The following GAS2 variants were observed in gnomAD, a reference collection of about 807,000 sequenced individuals.
The protein encoded by GAS2 is growth arrest-specific protein 2.
In GAS2, 20 loss-of-function variants were observed where a neutral mutation model predicts 37.5. The observed-to-expected ratio is 0.53, with a 90% CI of 0.37 to 0.77. GAS2 has a LOEUF of 0.77. Ranked by LOEUF, GAS2 falls within the 30% of genes least tolerant of loss-of-function variation. The pLI, the probability that GAS2 is intolerant of heterozygous loss-of-function variation, is 0.00. For synonymous variants in GAS2, 144 were observed against 132.2 expected, an observed-to-expected ratio of 1.09 and a Z score of -0.61; for missense variants, 336 against 373.4, an observed-to-expected ratio of 0.90 and a Z score of 0.82.
In GAS2 at chr11:22,634,392, C is replaced by T. The variant is rs570644753; in HGVS notation, c.-21+8579C>T. Among the ~76,000 whole-genome samples the T allele has an allele frequency of 2.6e-5, 4 of 152,276 alleles. No individual in the cohort carries two copies. In the East Asian group the frequency reaches 7.7e-4, roughly 29 times the overall value. On this transcript the variant is annotated intron_variant, in intron 1 of 5. Coordinates refer to the GAS2 transcript ENST00000528582. ...CCAAACCATATCAGGAAGAAAAAGT[C>T]TTCTTCCCCAGGTTCCTTCATGAGC...
chr11:22,700,087 CCT>C (rs1850752941), intron 3 of GAS2, among the ~76,000 whole-genome samples: 1 of 152,034 alleles, frequency 6.6e-6, no homozygotes, highest in Non-Finnish European at 1.5e-5. Context: ...CATGTTAACC[CCT>C]CTTTCTTGTA....
At chr11:22,675,839 G>T (rs1849403509) in intron 2 of GAS2, among the ~76,000 whole-genome samples, 1 of 152,150 alleles carries the variant, frequency 6.6e-6, no homozygotes, top group African/African-American at 2.4e-5. Flanking sequence ...TAAATCATCT[G>T]TCAAGGTAAG....
intron 3 of GAS2, among the ~76,000 whole-genome samples, chr11:22,693,048 T>C (rs1317706137): frequency 2.0e-5 from 3 of 152,186 alleles, no homozygotes; most frequent in Admixed American, 1.3e-4. Flanking sequence ...GTGTGTATTT[T>C]ATGAAACCGT....
intron 5 of GAS2, among the ~76,000 whole-genome samples, chr11:22,747,565 G>A (rs886798748): frequency 1.3e-5 from 2 of 151,848 alleles, no homozygotes; most frequent in African/African-American, 4.8e-5. Flanking sequence ...TTTACTATCT[G>A]AATTCTGAAA....
intron 3 of GAS2, among the ~76,000 whole-genome samples, chr11:22,713,980 G>C (rs951750239): frequency 1.3e-5 from 2 of 151,760 alleles, no homozygotes; most frequent in African/African-American, 4.8e-5. Flanking sequence ...AAAAAAACAG[G>C]GTATTCAGGT....
chr11:22,678,821 C>A (rs76641049), intron 2 of GAS2, among the ~76,000 whole-genome samples: 5,051 of 151,920 alleles, frequency 0.033, 81 homozygotes, highest in Middle Eastern at 0.078. Flanking sequence ...AGTTCATAAA[C>A]CAGTGTTCAT....
At chr11:22,647,286 T>G (rs1590566572) in intron 1 of GAS2, among the ~76,000 whole-genome samples, 1 of 151,996 alleles carries the variant, frequency 6.6e-6, no homozygotes, top group East Asian at 1.9e-4. Flanking sequence ...TATTCCATGG[T>G]GTATATGTGC....
intron 3 of GAS2, among the ~76,000 whole-genome samples, chr11:22,723,690 G>A (rs1056223085): frequency 6.6e-6 from 1 of 151,806 alleles, no homozygotes; most frequent in African/African-American, 2.4e-5. Context: ...GATTTGAAGT[G>A]GTAGTTTTTT....
At chr11:22,654,863 A>G (rs1008998919) in intron 1 of GAS2, among the ~76,000 whole-genome samples, 6 of 152,240 alleles carry the variant, frequency 3.9e-5, no homozygotes, top group Non-Finnish European at 8.8e-5. Context: ...ATAAAGAGTT[A>G]TGGTTAACTT....
chr11:22,627,223 A>G (rs569811416), intron 1 of GAS2, among the ~76,000 whole-genome samples: 6 of 152,372 alleles, frequency 3.9e-5, no homozygotes, highest in Non-Finnish European at 8.8e-5. Context: ...CCAAGTGTGC[A>G]GCCTGCCTTT....
intron 1 of GAS2, among the ~76,000 whole-genome samples, chr11:22,645,386 T>C (rs1338298487): frequency 6.6e-6 from 1 of 151,948 alleles, no homozygotes. Flanking sequence ...CATGCGCCTG[T>C]AGCCCAGCTA....
At chr11:22,633,306 G>A (rs1372616743) in intron 1 of GAS2, among the ~76,000 whole-genome samples, 1 of 152,050 alleles carries the variant, frequency 6.6e-6, no homozygotes, top group Non-Finnish European at 1.5e-5. Context: ...TCAGCTCTTG[G>A]TGTTTTCAGT....
intron 7 of GAS2, among the ~76,000 whole-genome samples, chr11:22,788,742 C>T (rs7105105): frequency 1.3e-5 from 2 of 151,862 alleles, no homozygotes; most frequent in South Asian, 4.1e-4. Flanking sequence ...GTATAATAGT[C>T]AGTAGTATAA....
intron 1 of GAS2, among the ~76,000 whole-genome samples, chr11:22,637,609 A>C (rs1335810970): frequency 2.5e-5 from 1 of 40,306 alleles, no homozygotes; most frequent in Admixed American, 3.6e-4. Flanking sequence ...ACTTAATATA[A>C]TATTAATTAT....
At chr11:22,746,535 A>G (rs566789100) in intron 5 of GAS2, among the ~76,000 whole-genome samples, 1 of 152,332 alleles carries the variant, frequency 6.6e-6, no homozygotes, top group East Asian at 1.9e-4. Context: ...AAAGAATGAA[A>G]TCATGTCATT....
At chr11:22,659,884 G>A (rs1365607519) in intron 1 of GAS2, among the ~76,000 whole-genome samples, 2 of 91,066 alleles carry the variant, frequency 2.2e-5, no homozygotes, top group Non-Finnish European at 4.2e-5. Flanking sequence ...GAGGGAGGAA[G>A]GAAGGAAGGG....
chr11:22,642,471 T>G (rs1168866449), intron 1 of GAS2, among the ~76,000 whole-genome samples: 2 of 152,142 alleles, frequency 1.3e-5, no homozygotes, highest in Non-Finnish European at 2.9e-5. Context: ...AGCAGAACAT[T>G]GACTCAGTAG....
intron 1 of GAS2, among the ~76,000 whole-genome samples, chr11:22,649,661 G>A (rs182128151): frequency 0.021 from 3,231 of 151,674 alleles, 118 homozygotes; most frequent in African/African-American, 0.073. Flanking sequence ...CGTATGTGTC[G>A]AGGAATGTAT....
intron 6 of GAS2, among the ~76,000 whole-genome samples, chr11:22,752,874 A>G (rs1237208067): frequency 6.6e-6 from 1 of 152,044 alleles, no homozygotes; most frequent in African/African-American, 2.4e-5. Context: ...TTATGTGGAA[A>G]ATACATCACC....
Sources: allele counts gnomAD v4.1 joint callset (sites outside exome capture counted in the v4.1 genomes callset), GRCh38; gene constraint gnomAD v4.1.1; transcripts MANE v1.5; gene names NCBI Gene and HGNC (gene_info 2026-07-23, HGNC 2026-07-21).